PSMC1: variants seen among roughly 807,000 people sequenced by gnomAD.
PSMC1 encodes the protein proteasome 26S subunit, ATPase 1.
A neutral mutation model predicts 49.8 loss-of-function variants in PSMC1; 5 were observed. The ratio of observed to expected loss-of-function variants is 0.10; its 90% CI spans 0.05 to 0.21. The LOEUF is 0.21. Among genes scored for constraint, PSMC1 ranks in the 10% least tolerant of loss-of-function variants. The pLI, the probability that PSMC1 is intolerant of heterozygous loss-of-function variation, is 1.00. For synonymous variants in PSMC1, 155 were observed against 192.1 expected (o/e 0.81, Z 1.60); for missense variants, 181 against 535.7 (o/e 0.34, Z 6.54).
Position 90,266,829 on chromosome 14 carries a change from A to T in PSMC1, c.692-1395A>T, listed in dbSNP as rs1487583146. 3.9e-5 allele frequency among the ~76,000 whole-genome samples: 6 copies of T among 152,336 alleles called. No homozygotes were observed. In the South Asian group the frequency reaches 1.2e-3, roughly 32 times the overall value. On this transcript the variant is annotated intron_variant, in intron 7 of 10. Transcript: ENST00000261303. The stretch of plus-strand genomic sequence containing the variant: ...TCCCTCATTGATGCTTTCAGGGAGC[A>T]GTCCAGCCTTTGCATCTGCTACTCT...
Position 90,270,367 on chromosome 14 carries a change from G to A in PSMC1, c.1188+15G>A, listed in dbSNP as rs752034051. On this transcript the variant is annotated intron_variant, in intron 10 of 10. Coordinates refer to ENST00000261303, the MANE Select transcript of PSMC1 (RefSeq NM_002802.3). ...CTGACATCAAGGTGAGAGCCTAGCC[G>A]TGTCAGCTTATTTCTGGGAATGTGG... 4.1e-5 allele frequency: 66 copies of A among 1,606,648 alleles called. No homozygotes were observed. The highest frequency in any genetic ancestry group is 5.4e-5 in the Non-Finnish European group (63 of 1,176,680).
chr14:90,267,203 C>T (rs981573032), intron 7 of PSMC1, among the ~76,000 whole-genome samples: 16 of 151,588 alleles, frequency 1.1e-4, no homozygotes, highest in Admixed American at 9.9e-4. Flanking sequence ...GATCTTGGCT[C>T]ACTGCAATCT....
chr14:90,270,133 C>T (rs114316342), intron 9 of PSMC1, 65 bp from the exon 10 acceptor site: 294,966 of 1,574,812 alleles, frequency 0.19, 29,206 homozygotes, highest in South Asian at 0.22. Context: ...GGGCTGAGGC[C>T]TCTGAGCCAT....
chr14:90,260,272 T>TGTA, intron 3 of PSMC1, 61 bp downstream of exon 3: 1 of 1,268,956 alleles, frequency 7.9e-7, no homozygotes, highest in Non-Finnish European at 1.1e-6. Context: ...TCTCTGTGCA[T>TGTA]GTAGCTTAGA....
Position 90,272,432 on chromosome 14 carries a change from A to ATGGT in PSMC1, c.*29_*32dup, listed in dbSNP as rs1263364084. Reference sequence around the variant, plus strand: ...ATGAACCATGGCTGTCATCAGGAAAATGGTTGGGAGATTTCTCAATCCCTG... The same window carrying ATGGT: ...ATGAACCATGGCTGTCATCAGGAAAATGGTTGGTTGGGAGATTTCTCAATCCCTG... On this transcript the variant is annotated 3_prime_UTR_variant, in exon 11 of 11. Coordinates refer to ENST00000261303, the MANE Select transcript of PSMC1 (RefSeq NM_002802.3). The surrounding 1 kb of genome is among the most constrained non-coding windows in gnomAD (Gnocchi z 4.5). The ATGGT allele has an allele frequency of 6.6e-7, 1 of 1,523,954 alleles. No individual in the cohort carries two copies. The highest frequency in any genetic ancestry group is 8.9e-7 in the Non-Finnish European group (1 of 1,129,398). The allele number at this position is 1,523,954 out of a possible 1,614,324, so 94.4% of individuals were successfully genotyped here.
At chr14:90,259,406 A>T (rs1891353425) in intron 2 of PSMC1, among the ~76,000 whole-genome samples, 193 bp downstream of exon 2, 1 of 152,202 alleles carries the variant, frequency 6.6e-6, no homozygotes, top group African/African-American at 2.4e-5. Context: ...TAACCATCAG[A>T]TAGGTATTTA....
At position 90,265,072 on chromosome 14, in the gene PSMC1, A is replaced by T; in HGVS notation, c.597A>T (p.Glu199Asp). The T allele has an allele frequency of 6.2e-7, 1 of 1,606,018 alleles. No homozygotes were observed. The highest frequency in any genetic ancestry group is 8.5e-7 in the Non-Finnish European group (1 of 1,173,602). Residue 199 changes from glutamate to aspartate, a missense_variant and splice_region_variant, in exon 7 of 11, where the codon GAA becomes GAT. Physicochemically the swap from Glu to Asp is conservative, Grantham distance 45 (BLOSUM62 2). Coordinates refer to ENST00000261303, the MANE Select transcript of PSMC1 (RefSeq NM_002802.3). ...GLDNQIQEIK[E>D]SVELPLTHPE... ...TTCATTCATACTGTTTTTCATAGGA[A>T]TCTGTGGAGCTTCCTCTCACCCATC...
At position 90,275,253 on chromosome 14, in the gene PSMC1, CTG is replaced by C. The variant is rs1217889058; in HGVS notation, c.*2847_*2848del. ...TGGATCCTTTTCCTAGAGGACATGA[CTG>C]GGCCTGAGGACCTGCTAGGAGTACT... On this transcript the variant is annotated 3_prime_UTR_variant, in exon 11 of 11. Transcript: ENST00000261303. 1 of 152,184 alleles carries C rather than the reference CTG, an allele frequency of 6.6e-6. No homozygotes were observed. The highest frequency in any genetic ancestry group is 2.4e-5 in the African/African-American group (1 of 41,434). 9.4% of individuals were successfully genotyped at this position (152,184 alleles called of 1,614,324 possible).
Position 90,274,432 on chromosome 14 carries a change from A to C in PSMC1, c.*2025A>C, listed in dbSNP as rs1325051430. The C allele has an allele frequency of 1.3e-5, 2 of 153,364 alleles. No homozygotes were observed. Among genetic ancestry groups the C allele is most frequent in the Non-Finnish European group, 2.9e-5 (2 of 68,190 alleles). 9.5% of individuals were successfully genotyped at this position (153,364 alleles called of 1,614,324 possible). On this transcript the variant is annotated 3_prime_UTR_variant, in exon 11 of 11. Transcript: ENST00000261303. ...CAGTGGGAGCCAGGTTTCTCTGAGG[A>C]GTTAGACACAGAAAGAAGAAAACAA... is the stretch of plus-strand genomic sequence containing the variant.
chr14:90,270,523 C>A, intron 10 of PSMC1, 171 bp downstream of exon 10: 2 of 688,144 alleles, frequency 2.9e-6, no homozygotes, highest in Non-Finnish European at 4.5e-6. Context: ...ATATTGAAGT[C>A]ATTCTTAATG....
Position 90,270,310 on chromosome 14 carries a change from C to A in PSMC1, c.1146C>A (p.Asp382Glu), listed in dbSNP as rs1891629248. The A allele has an allele frequency of 6.2e-7, 1 of 1,613,658 alleles. No individual in the cohort carries two copies. Among genetic ancestry groups the A allele is most frequent in the African/African-American group, 1.3e-5 (1 of 74,926 alleles). ...TGGCTGATGATGTAACCCTGGACGA[C>A]CTGATCATGGCTAAAGATGACCTCT... ...MTLADDVTLD[D>E]LIMAKDDLSG... Residue 382 changes from aspartate to glutamate, a missense_variant, in exon 10 of 11, where the codon GAC (aspartate) becomes GAA (glutamate). This residue lies in a region of PSMC1 where 60 missense variants were observed against 155.5 expected (regional missense o/e 0.39). Transcript: ENST00000261303.
chr14:90,270,155 G>T, intron 9 of PSMC1, 43 bp from the exon 10 acceptor site: 2 of 1,602,212 alleles, frequency 1.2e-6, no homozygotes, highest in Non-Finnish European at 1.7e-6. Context: ...GCCGAGCCTG[G>T]GTTTGGATGT....
At chr14:90,257,341 A>AGGGGT (rs1891314453) in intron 1 of PSMC1, among the ~76,000 whole-genome samples, 1 of 152,110 alleles carries the variant, frequency 6.6e-6, no homozygotes, top group South Asian at 2.1e-4. Flanking sequence ...ATATGATGTC[A>AGGGGT]GGGGTGGGGT....
Position 90,263,412 on chromosome 14 carries a change from A to G in PSMC1, c.249A>G (p.Glu83=). The part of the protein sequence containing the change: ...LMEEEFIRNQ[E]QMKPLEEKQE... ...AGGAAGAATTCATTAGAAATCAGGA[A>G]CAAATGAAACCATTAGAAGAAAAGC... is the stretch of plus-strand genomic sequence containing the variant. The change falls in exon 4 of 11, where the codon GAA becomes GAG. Residue 83 remains glutamate, a synonymous_variant. Transcript: ENST00000261303. The G allele has an allele frequency of 6.3e-7, 1 of 1,587,364 alleles. No individual in the cohort carries two copies.
At chr14:90,263,549 GTAT>G in intron 4 of PSMC1, 107 bp downstream of exon 4, 2 of 1,462,170 alleles carry the variant, frequency 1.4e-6, no homozygotes, top group Admixed American at 4.0e-5. Context: ...GCTTTCATGA[GTAT>G]TATTAGCTGC....
At position 90,272,241 on chromosome 14, in the gene PSMC1, T is replaced by A. The variant is rs747955615; in HGVS notation, c.1189-32T>A. 6 of 1,598,368 alleles carry A rather than the reference T, an allele frequency of 3.8e-6. No individual in the cohort carries two copies. In the African/African-American group the frequency reaches 8.1e-5, roughly 22 times the overall value. On this transcript the variant is annotated intron_variant, in intron 10 of 10. Transcript: ENST00000261303. This position sits in a 1 kb window ranked among gnomAD's most constrained non-coding sequence, Gnocchi z 4.5. Reference sequence around the variant, plus strand: ...CCTTGTTAGAATAAAAATGAGTATGTCACTTTCTGAACACACTCTTCTTTC... The same window carrying A: ...CCTTGTTAGAATAAAAATGAGTATGACACTTTCTGAACACACTCTTCTTTC...
Position 90,274,521 on chromosome 14 carries a change from T to C in PSMC1, c.*2114T>C, listed in dbSNP as rs1891750760. 6.6e-6 allele frequency: 1 copy of C among 150,930 alleles called. No homozygotes were observed. Among genetic ancestry groups the C allele is most frequent in the Non-Finnish European group, 1.5e-5 (1 of 67,700 alleles). The allele number at this position is 150,930 out of a possible 1,614,324, so 9.3% of individuals were successfully genotyped here. On this transcript the variant is annotated 3_prime_UTR_variant, in exon 11 of 11. Coordinates refer to ENST00000261303, the MANE Select transcript of PSMC1 (RefSeq NM_002802.3). ...ACACCCCAACTGCAGTGAGCACCCC[T>C]AGACCCAGACCTTTGCTGCTAAAAG...
intron 7 of PSMC1, among the ~76,000 whole-genome samples, chr14:90,267,164 C>T (rs991494651): frequency 6.7e-6 from 1 of 149,772 alleles, no homozygotes; most frequent in Non-Finnish European, 1.5e-5. Flanking sequence ...GAGTCTTGCT[C>T]TGTCGCCCAG....
At position 90,260,202 on chromosome 14, in the gene PSMC1, C is replaced by T. The variant is rs1350124836; in HGVS notation, c.145C>T (p.Leu49=). ...AAAGGGACCAGATGCTGCCAGCAAA[C>T]TGCCACTGGGTAATGACATGGCTTC... ...KTKGPDAASK[L]PLVTPHTQCR... is the part of the protein sequence containing the mutation. The change falls in exon 3 of 11, where the codon CTG becomes TTG. Residue 49 remains leucine, a synonymous_variant. Transcript: ENST00000261303. The T allele has an allele frequency of 1.9e-5, 31 of 1,607,694 alleles. No individual in the cohort carries two copies. The highest frequency in any genetic ancestry group is 2.6e-5 in the Non-Finnish European group (30 of 1,175,090).
Sources: gnomAD v4.1 joint callset for allele counts (sites outside exome capture counted in the v4.1 genomes callset) on GRCh38, gnomAD v4.1.1 for gene constraint, gnomAD v4.1.1 regional missense constraint, Gnocchi (gnomAD v3.1) non-coding constraint, MANE v1.5 for transcripts, NCBI Gene and HGNC (gene_info 2026-07-23, HGNC 2026-07-21) for gene names.